Variants in GALNT17 observed in about 807,000 individuals in gnomAD.
The protein encoded by GALNT17 is polypeptide N-acetylgalactosaminyltransferase 17.
Under a neutral mutation model 63.7 loss-of-function variants are expected in GALNT17, and 29 were observed. That is an observed-to-expected ratio of 0.46 (90% CI 0.34 to 0.62). The LOEUF (loss-of-function observed/expected upper bound fraction) is 0.62, where lower values mean the gene tolerates loss of function less well. GALNT17 is among the 20% of genes least tolerant of loss of function. GALNT17 has a pLI of 0.01. For missense variants in GALNT17, 603 were observed against 799.6 expected (o/e 0.75, Z 2.97); for synonymous variants, 305 against 318.3 (o/e 0.96, Z 0.45).
intron 1 of GALNT17, among the ~76,000 whole-genome samples, chr7:71,174,292 G>A (rs1037529475): frequency 2.6e-5 from 4 of 152,138 alleles, no homozygotes; most frequent in African/African-American, 9.7e-5. Context: ...GAAAGAAGCC[G>A]GGGGGAGTTC....
chr7:71,210,794 C>T (rs1409595821), intron 1 of GALNT17, among the ~76,000 whole-genome samples: 1 of 152,124 alleles, frequency 6.6e-6, no homozygotes, highest in African/African-American at 2.4e-5. Flanking sequence ...AGAGCGTTTG[C>T]TTAGGAGCAT....
chr7:71,228,935 T>C (rs1789732973), intron 1 of GALNT17, among the ~76,000 whole-genome samples: 1 of 152,166 alleles, frequency 6.6e-6, no homozygotes, highest in African/African-American at 2.4e-5. Context: ...AAGTACTGAT[T>C]TGATCCTACC....
intron 1 of GALNT17, among the ~76,000 whole-genome samples, chr7:71,302,568 G>T (rs1319146581): frequency 6.6e-6 from 1 of 152,116 alleles, no homozygotes; most frequent in Non-Finnish European, 1.5e-5. Flanking sequence ...AGGGACCTAG[G>T]TCTCCTTGTC....
At chr7:71,515,946 G>C (rs563392426) in intron 5 of GALNT17, among the ~76,000 whole-genome samples, 3 of 152,254 alleles carry the variant, frequency 2.0e-5, no homozygotes, top group Non-Finnish European at 4.4e-5. Flanking sequence ...TCACTTTCTC[G>C]TGAGGCTTTC....
chr7:71,496,857 C>T (rs1026377265), intron 5 of GALNT17, among the ~76,000 whole-genome samples: 1 of 151,724 alleles, frequency 6.6e-6, no homozygotes, highest in Non-Finnish European at 1.5e-5. Context: ...GAGGATTGCT[C>T]GAGGCCAGGA....
chr7:71,613,907 G>T (rs763886430), intron 6 of GALNT17, among the ~76,000 whole-genome samples: 1 of 151,072 alleles, frequency 6.6e-6, no homozygotes, highest in Non-Finnish European at 1.5e-5. Context: ...AGATATGATC[G>T]AGTCACTACA....
At position 71,157,116 on chromosome 7, in the gene GALNT17, A is replaced by G. The variant is rs189628617; in HGVS notation, c.238+24076A>G. Among the ~76,000 whole-genome samples, 323 of 151,796 alleles carry G rather than the reference A, an allele frequency of 2.1e-3. 5 individuals carry two copies. Among genetic ancestry groups the G allele is most frequent in the Middle Eastern group, 0.017 (5 of 292 alleles). ...GGACTACAGGTGTGAGCCACTGTGC[A>G]TGGTTCAACACCCTTGTTTTGAAGT... On this transcript the variant is annotated intron_variant, in intron 1 of 10. Coordinates refer to ENST00000333538, the MANE Select transcript of GALNT17 (RefSeq NM_022479.3).
chr7:71,484,012 C>T lies in GALNT17; in HGVS notation c.962+62907C>T, dbSNP rs184298222. On this transcript the variant is annotated intron_variant, in intron 5 of 10. Transcript: ENST00000333538. ...GTAGGTCTTCAGGGGCAATAACACA[C>T]GCATGGAGCTGTCATCTCCTATGAT... Among the ~76,000 whole-genome samples the T allele has an allele frequency of 3.3e-5, 5 of 152,250 alleles. No homozygotes were observed. The East Asian group carries it at 5.8e-4, about 18-fold the overall frequency.
chr7:71,245,848 G>GTTTTTTTTTTTTTTTTTTT (rs542136452), intron 1 of GALNT17, among the ~76,000 whole-genome samples: 13 of 122,886 alleles, frequency 1.1e-4, no homozygotes, highest in Non-Finnish European at 1.2e-4. Flanking sequence ...AAGAGAGCAG[G>GTTTTTTTTTTTTTTTTTTT]TTTTTTTTTT....
intron 6 of GALNT17, among the ~76,000 whole-genome samples, chr7:71,624,843 A>C (rs1440315765): frequency 6.6e-6 from 1 of 152,198 alleles, no homozygotes; most frequent in East Asian, 1.9e-4. Flanking sequence ...CCTTGTCGCA[A>C]ATCTCTTGAG....
At chr7:71,557,172 G>A (rs1033679650) in intron 5 of GALNT17, among the ~76,000 whole-genome samples, 12 of 151,670 alleles carry the variant, frequency 7.9e-5, no homozygotes, top group Non-Finnish European at 1.2e-4. Context: ...GATTACAGGC[G>A]TGAACCACCA....
chr7:71,230,548 C>T (rs1314362828), intron 1 of GALNT17, among the ~76,000 whole-genome samples: 1 of 152,158 alleles, frequency 6.6e-6, no homozygotes, highest in Non-Finnish European at 1.5e-5. Flanking sequence ...GTCACTTGGC[C>T]ACCCTTAGCT....
chr7:71,593,303 G>A (rs1171248542), intron 6 of GALNT17, among the ~76,000 whole-genome samples: 3 of 106,256 alleles, frequency 2.8e-5, no homozygotes, highest in South Asian at 3.2e-4. Context: ...GTCTCACTCT[G>A]TTGCCAGGCT....
chr7:71,172,820 T>C (rs1788569332), intron 1 of GALNT17, among the ~76,000 whole-genome samples: 1 of 152,188 alleles, frequency 6.6e-6, no homozygotes, highest in African/African-American at 2.4e-5. Context: ...TTGGGTGGCT[T>C]TGAAATGTCC....
chr7:71,613,120 C>G (rs1234406161), intron 6 of GALNT17, among the ~76,000 whole-genome samples: 1 of 152,122 alleles, frequency 6.6e-6, no homozygotes, highest in Non-Finnish European at 1.5e-5. Context: ...CCCAGCAGTT[C>G]AGGGCTGCAG....
chr7:71,603,505 A>G (rs1789998701), intron 6 of GALNT17, among the ~76,000 whole-genome samples: 1 of 152,118 alleles, frequency 6.6e-6, no homozygotes. Flanking sequence ...GAGTGCATAC[A>G]CTAAGTACTA....
chr7:71,539,762 G>T (rs1019645022), intron 5 of GALNT17, among the ~76,000 whole-genome samples: 3 of 135,974 alleles, frequency 2.2e-5, no homozygotes, highest in Non-Finnish European at 4.5e-5. Context: ...TTGCCTGGGC[G>T]CATGATCACA....
At chr7:71,550,654 G>A (rs551644205) in intron 5 of GALNT17, among the ~76,000 whole-genome samples, 40 of 152,184 alleles carry the variant, frequency 2.6e-4, no homozygotes, top group African/African-American at 9.6e-4. Flanking sequence ...GTGCTGGTGG[G>A]ATTACAGACG....
chr7:71,435,539 A>C (rs1037713991), intron 5 of GALNT17, among the ~76,000 whole-genome samples: 1 of 152,068 alleles, frequency 6.6e-6, no homozygotes, highest in Non-Finnish European at 1.5e-5. Flanking sequence ...TATTTTGCAG[A>C]CCCTGCACTT....
Sources: allele counts gnomAD v4.1 joint callset (sites outside exome capture counted in the v4.1 genomes callset), GRCh38; gene constraint gnomAD v4.1.1; transcripts MANE v1.5; gene names NCBI Gene and HGNC (gene_info 2026-07-23, HGNC 2026-07-21).